The following GSDME variants were observed in gnomAD, a reference collection of about 807,000 sequenced individuals.
GSDME encodes the protein gasdermin E, also known as gasdermin-E.
Under a neutral mutation model 47.5 loss-of-function variants are expected in GSDME, and 44 were observed. That is an observed-to-expected ratio of 0.93 (90% confidence interval 0.73 to 1.19). GSDME has a LOEUF of 1.19. Among genes scored for constraint, GSDME ranks in the 50% most tolerant of loss-of-function variants. GSDME has a pLI of 0.00. For synonymous variants in GSDME, 258 were observed against 252.8 expected, an observed-to-expected ratio of 1.02 and a Z score of -0.20; for missense variants, 663 against 604.2, an observed-to-expected ratio of 1.10 and a Z score of -1.02.
At chr7:24,734,315 A>G (rs1036208477) in intron 3 of GSDME, among the ~76,000 whole-genome samples, 2 of 152,232 alleles carry the variant, frequency 1.3e-5, no homozygotes, top group Non-Finnish European at 2.9e-5. Context: ...TCTTCCTAAG[A>G]AGGATGGGTA....
rs532220823 is a variant in GSDME, at chr7:24,708,332, A to G, written c.863-78T>C. On this transcript the variant is annotated intron_variant, in intron 6 of 9. Coordinates refer to ENST00000645220, the MANE Select transcript of GSDME (RefSeq NM_001127453.2). ...CGTCGGACAGCAACTCCTGCTTTTTATACCTAATCGTCATCAGTTCTTTCA... is the reference window on the plus strand; with the variant it reads ...CGTCGGACAGCAACTCCTGCTTTTTGTACCTAATCGTCATCAGTTCTTTCA... 10 of 1,546,986 alleles carry G rather than the reference A, an allele frequency of 6.5e-6. No individual in the cohort carries two copies. In the African/African-American group the frequency reaches 1.2e-4, roughly 19 times the overall value.
intron 3 of GSDME, among the ~76,000 whole-genome samples, chr7:24,719,801 AAAG>A (rs1049247202): frequency 6.6e-5 from 10 of 152,112 alleles, no homozygotes; most frequent in African/African-American, 2.4e-4. Context: ...TCAAAAAAAA[AAAG>A]GAAAAGAAAA....
intron 6 of GSDME, among the ~76,000 whole-genome samples, chr7:24,708,939 A>G (rs1454888605): frequency 6.6e-6 from 1 of 152,132 alleles, no homozygotes; most frequent in Non-Finnish European, 1.5e-5. Flanking sequence ...AGATACTCAG[A>G]AGCTTCTTGT....
Position 24,744,336 on chromosome 7 carries a change from C to A in GSDME, c.404+226G>T. 1 of 584,502 alleles carries A rather than the reference C, an allele frequency of 1.7e-6. No individual in the cohort carries two copies. Among genetic ancestry groups the A allele is most frequent in the East Asian group, 3.0e-5 (1 of 33,870 alleles). The allele number at this position is 584,502 out of a possible 1,614,324, so 36.2% of individuals were successfully genotyped here. ...GGAAGTACATATTTGCCTGAAGTAA[C>A]ATCCTTTGAAAGTGCTTCCCAAGTC... On this transcript the variant is annotated intron_variant, in intron 3 of 9. Coordinates refer to ENST00000645220, the MANE Select transcript of GSDME (RefSeq NM_001127453.2). This position sits in a 1 kb window ranked among gnomAD's most constrained non-coding sequence, Gnocchi z 4.5.
chr7:24,727,969 CG>C (rs1790024017), intron 3 of GSDME, among the ~76,000 whole-genome samples: 1 of 152,176 alleles, frequency 6.6e-6, no homozygotes, highest in Admixed American at 6.5e-5. Context: ...CACTACGAGT[CG>C]GGGGTGCCAC....
chr7:24,794,145 CTCTT>C, the GSDME span, among the ~76,000 whole-genome samples: 391 of 150,770 alleles, frequency 2.6e-3, 3 homozygotes, highest in South Asian at 4.2e-4. Context: ...GTATATCTCT[CTCTT>C]TCTCTCTTTG....
upstream of GSDME, among the ~76,000 whole-genome samples, chr7:24,759,201 G>A (rs1463585195): frequency 1.3e-5 from 2 of 152,170 alleles, no homozygotes; most frequent in Non-Finnish European, 1.5e-5. Flanking sequence ...ATACGGTGAT[G>A]ATTCTGGCTT....
chr7:24,729,009 G>A (rs1346904456), intron 3 of GSDME, among the ~76,000 whole-genome samples: 1 of 152,160 alleles, frequency 6.6e-6, no homozygotes, highest in Non-Finnish European at 1.5e-5. Flanking sequence ...TGGCTGCTCC[G>A]CCTCTGTCCA....
the GSDME span, among the ~76,000 whole-genome samples, chr7:24,792,173 C>T: frequency 6.6e-6 from 1 of 152,206 alleles, no homozygotes; most frequent in East Asian, 1.9e-4. Context: ...ACATTTGCAT[C>T]TTGGTATCCT....
At chr7:24,761,052 T>C (rs761353279), upstream of GSDME, among the ~76,000 whole-genome samples, 51 of 152,258 alleles carry the variant, frequency 3.3e-4, no homozygotes, top group Non-Finnish European at 6.0e-4. This position sits in a 1 kb window ranked among gnomAD's most constrained non-coding sequence, Gnocchi z 4.4. Flanking sequence ...TATCAACTGC[T>C]GTATAACAAA....
upstream of GSDME, chr7:24,757,891 C>T (rs1791096055): frequency 6.6e-6 from 1 of 152,366 alleles, no homozygotes; most frequent in Non-Finnish European, 1.5e-5. The surrounding 1 kb of genome is among the most constrained non-coding windows in gnomAD (Gnocchi z 5.9). Context: ...AAGTCCAAGG[C>T]CTGTCCAGCC....
At chr7:24,720,848 G>A (rs746994063) in intron 3 of GSDME, among the ~76,000 whole-genome samples, 7 of 152,042 alleles carry the variant, frequency 4.6e-5, no homozygotes, top group East Asian at 3.9e-4. Flanking sequence ...CGGAGGTTGC[G>A]GTGAGCTGAG....
At chr7:24,782,173 C>T in the GSDME span, among the ~76,000 whole-genome samples, 8 of 151,926 alleles carry the variant, frequency 5.3e-5, no homozygotes, top group East Asian at 1.9e-4. Flanking sequence ...CCCATTAACT[C>T]GTCATTTACG....
rs1790627728 is a variant in GSDME, at chr7:24,745,143, G to A, written c.212-389C>T. 6.6e-6 allele frequency among the ~76,000 whole-genome samples: 1 copy of A among 152,108 alleles called. No individual in the cohort carries two copies. The highest frequency in any genetic ancestry group is 2.4e-5 in the African/African-American group (1 of 41,418). ...AGAAAGGTGCACAGAAAGGACTAATGAATAAAGTTAGCGCCTGTTTAACCA... is the reference window on the plus strand; with the variant it reads ...AGAAAGGTGCACAGAAAGGACTAATAAATAAAGTTAGCGCCTGTTTAACCA... On this transcript the variant is annotated intron_variant, in intron 2 of 9. Coordinates refer to ENST00000645220, the MANE Select transcript of GSDME (RefSeq NM_001127453.2). The surrounding 1 kb of genome is among the most constrained non-coding windows in gnomAD (Gnocchi z 4.4).
intron 1 of GSDME, among the ~76,000 whole-genome samples, chr7:24,750,825 G>A (rs997715867): frequency 6.6e-6 from 1 of 152,156 alleles, no homozygotes; most frequent in African/African-American, 2.4e-5. Flanking sequence ...GAGAAAAGAA[G>A]AGATACATTG....
chr7:24,707,168 T>C, intron 7 of GSDME: 1 of 376,550 alleles, frequency 2.7e-6, no homozygotes, highest in Non-Finnish European at 5.3e-6. Flanking sequence ...CAATCTAATT[T>C]CAAGAGAGAA....
In GSDME at chr7:24,744,403, A is replaced by G. The variant is rs1790582060; in HGVS notation, c.404+159T>C. On this transcript the variant is annotated intron_variant, in intron 3 of 9. Coordinates refer to ENST00000645220, the MANE Select transcript of GSDME (RefSeq NM_001127453.2). This position sits in a 1 kb window ranked among gnomAD's most constrained non-coding sequence, Gnocchi z 4.5. ...AAGAACAGTCAAGCAATTCCAGACT[A>G]AAGAATGTGCTCCTCATGAAATTTC... 2.4e-6 allele frequency: 2 copies of G among 832,088 alleles called. No homozygotes were observed. Among genetic ancestry groups the G allele is most frequent in the African/African-American group, 1.7e-5 (1 of 60,184 alleles). The allele number at this position is 832,088 out of a possible 1,614,324, so 51.5% of individuals were successfully genotyped here.
chr7:24,772,990 G>C, the GSDME span, among the ~76,000 whole-genome samples: 1 of 152,300 alleles, frequency 6.6e-6, no homozygotes, highest in South Asian at 2.1e-4. This position sits in a 1 kb window ranked among gnomAD's most constrained non-coding sequence, Gnocchi z 4.5. Flanking sequence ...GGGTGAGGTA[G>C]ATGTAGTAGT....
chr7:24,701,432 GGGA>G (rs1366751749), intron 9 of GSDME, among the ~76,000 whole-genome samples: 1 of 152,222 alleles, frequency 6.6e-6, no homozygotes, highest in Admixed American at 6.5e-5. Context: ...CTGATCTGCA[GGGA>G]GGAGGACAGC....
Sources: gnomAD v4.1 joint callset for allele counts (sites outside exome capture counted in the v4.1 genomes callset) on GRCh38, gnomAD v4.1.1 for gene constraint, Gnocchi (gnomAD v3.1) non-coding constraint, MANE v1.5 for transcripts, NCBI Gene and HGNC (gene_info 2026-07-23, HGNC 2026-07-21) for gene names.